Variants in SGCZ observed in about 807,000 individuals in gnomAD.
SGCZ encodes the protein zeta-sarcoglycan.
In SGCZ, 40 loss-of-function variants were observed where a neutral mutation model predicts 41.3. The ratio of observed to expected loss-of-function variants is 0.97; its 90% CI spans 0.75 to 1.26. SGCZ has a LOEUF of 1.26. SGCZ is among the 50% of genes most tolerant of loss of function. The probability of loss-of-function intolerance (pLI) is 0.00; values close to 1 mark genes in which losing one functional copy is unlikely to be tolerated. For synonymous variants in SGCZ, 206 were observed against 137.5 expected, an observed-to-expected ratio of 1.50 and a Z score of -3.49; for missense variants, 552 against 369.8, an observed-to-expected ratio of 1.49 and a Z score of -4.04.
At chr8:14,990,008 G>C (rs1365344360) in intron 1 of SGCZ, among the ~76,000 whole-genome samples, 1 of 152,142 alleles carries the variant, frequency 6.6e-6, no homozygotes, top group Admixed American at 6.5e-5. Flanking sequence ...TAAAATAGCT[G>C]CCTACATTTT....
chr8:14,948,248 GA>G (rs1470148657), intron 1 of SGCZ, among the ~76,000 whole-genome samples: 1 of 152,134 alleles, frequency 6.6e-6, no homozygotes, highest in African/African-American at 2.4e-5. Flanking sequence ...AGTTGAAACA[GA>G]AACTGTCAAA....
chr8:14,385,301 T>C (rs1804534222), intron 2 of SGCZ, among the ~76,000 whole-genome samples: 1 of 152,166 alleles, frequency 6.6e-6, no homozygotes, highest in African/African-American at 2.4e-5. Context: ...CAATTTCTAG[T>C]TGTAAGTTAA....
At chr8:14,409,347 G>C (rs1049026957) in intron 2 of SGCZ, among the ~76,000 whole-genome samples, 1 of 151,968 alleles carries the variant, frequency 6.6e-6, no homozygotes, top group African/African-American at 2.4e-5. Flanking sequence ...ATCCAAAAAT[G>C]AGATTTAAAA....
intron 3 of SGCZ, among the ~76,000 whole-genome samples, chr8:14,313,820 A>G (rs774317812): frequency 7.9e-5 from 12 of 151,972 alleles, no homozygotes; most frequent in Non-Finnish European, 1.6e-4. Context: ...ATCTGAGCTG[A>G]TATGTGCTTC....
chr8:14,580,414 TAAAACA>T (rs1351723806), intron 1 of SGCZ, among the ~76,000 whole-genome samples: 2 of 152,192 alleles, frequency 1.3e-5, no homozygotes, highest in African/African-American at 4.8e-5. Context: ...ACAAACCTTT[TAAAACA>T]CAGTTAAATA....
At chr8:14,817,687 T>C (rs2130557739) in intron 1 of SGCZ, among the ~76,000 whole-genome samples, 1 of 152,272 alleles carries the variant, frequency 6.6e-6, no homozygotes, top group East Asian at 1.9e-4. Context: ...ACCACCCTCA[T>C]TCCGCCAGGG....
chr8:14,395,928 A>C (rs1798906832), intron 2 of SGCZ, among the ~76,000 whole-genome samples: 1 of 152,200 alleles, frequency 6.6e-6, no homozygotes, highest in South Asian at 2.1e-4. Flanking sequence ...GTAGCAGAGG[A>C]CAATTTCAGT....
chr8:15,033,105 A>C (rs1022221830), intron 1 of SGCZ, among the ~76,000 whole-genome samples: 2 of 152,018 alleles, frequency 1.3e-5, no homozygotes, highest in Non-Finnish European at 2.9e-5. Context: ...TAGTAGGCTC[A>C]GGTCCAGGCC....
At chr8:14,829,007 A>T (rs1802434982) in intron 1 of SGCZ, among the ~76,000 whole-genome samples, 1 of 152,042 alleles carries the variant, frequency 6.6e-6, no homozygotes, top group South Asian at 2.1e-4. Context: ...GGACACCTAA[A>T]TTTCTTCAGC....
At chr8:14,506,716 G>T (rs1167338194) in intron 2 of SGCZ, among the ~76,000 whole-genome samples, 1 of 152,086 alleles carries the variant, frequency 6.6e-6, no homozygotes, top group South Asian at 2.1e-4. Context: ...TGGCTTTTAT[G>T]TTACTAAATT....
chr8:15,197,949 A>G (rs1230032917), intron 1 of SGCZ, among the ~76,000 whole-genome samples: 1 of 150,058 alleles, frequency 6.7e-6, no homozygotes, highest in Non-Finnish European at 1.5e-5. Flanking sequence ...CACATAATAC[A>G]TACCATATTT....
intron 1 of SGCZ, among the ~76,000 whole-genome samples, chr8:15,129,163 A>C (rs544595355): frequency 1.8e-4 from 27 of 152,222 alleles, no homozygotes; most frequent in South Asian, 1.5e-3. Context: ...CTGGTCAGTG[A>C]GCTTTCTGTC....
At chr8:14,269,348 T>G (rs946083580) in intron 3 of SGCZ, among the ~76,000 whole-genome samples, 1 of 152,182 alleles carries the variant, frequency 6.6e-6, no homozygotes, top group South Asian at 2.1e-4. Flanking sequence ...AATATAAACA[T>G]TCTCGTGCTG....
chr8:14,438,370 T>C (rs569157122), intron 2 of SGCZ, among the ~76,000 whole-genome samples: 1 of 152,146 alleles, frequency 6.6e-6, no homozygotes, highest in East Asian at 1.9e-4. Flanking sequence ...TTAGACATGT[T>C]GGTCTTAGAC....
intron 1 of SGCZ, among the ~76,000 whole-genome samples, chr8:14,719,783 A>T (rs1294983385): frequency 6.6e-6 from 1 of 151,452 alleles, no homozygotes; most frequent in Non-Finnish European, 1.5e-5. Flanking sequence ...GGTTGCTAAA[A>T]TTTTCTCCCA....
chr8:14,122,643 T>C (rs182920204), intron 5 of SGCZ, among the ~76,000 whole-genome samples: 1 of 152,330 alleles, frequency 6.6e-6, no homozygotes, highest in East Asian at 1.9e-4. Flanking sequence ...CCATAAGATA[T>C]GCATAAATGT....
intron 5 of SGCZ, 117 bp downstream of exon 5, chr8:14,164,463 G>A: frequency 8.0e-7 from 1 of 1,244,268 alleles, no homozygotes; most frequent in Non-Finnish European, 1.1e-6. Flanking sequence ...CAAACGTTGT[G>A]ATTATGTAAG....
In SGCZ at chr8:14,417,757, TGATA is replaced by T. The variant is rs1486593915; in HGVS notation, c.235-93557_235-93554del. ...ACACAAAAAAGGTAACTATGTAAGG[TGATA>T]GATATGTAATTAATTTGATTATGGT... On this transcript the variant is annotated intron_variant, in intron 2 of 7. Transcript: ENST00000382080. 4.6e-5 allele frequency among the ~76,000 whole-genome samples: 7 copies of T among 151,358 alleles called. No individual in the cohort carries two copies. In the East Asian group the frequency reaches 1.2e-3, roughly 25 times the overall value.
chr8:14,429,639 G>C (rs1042331224), intron 2 of SGCZ, among the ~76,000 whole-genome samples: 2 of 152,174 alleles, frequency 1.3e-5, no homozygotes, highest in South Asian at 2.1e-4. Flanking sequence ...TTTAAGATGA[G>C]ATCATAATGG....
Sources: gnomAD v4.1 joint callset for allele counts (sites outside exome capture counted in the v4.1 genomes callset) on GRCh38, gnomAD v4.1.1 for gene constraint, MANE v1.5 for transcripts, NCBI Gene and HGNC (gene_info 2026-07-23, HGNC 2026-07-21) for gene names.